The following ADGRG4 variants were observed in gnomAD, a reference collection of about 807,000 sequenced individuals.
ADGRG4 encodes the protein adhesion G protein-coupled receptor G4, also known as G protein-coupled receptor 112.
A neutral mutation model predicts 126.2 loss-of-function variants in ADGRG4; 122 were observed. That is an observed-to-expected ratio of 0.97 (90% CI 0.83 to 1.12). The LOEUF (loss-of-function observed/expected upper bound fraction) is 1.12, where lower values mean the gene tolerates loss of function less well. ADGRG4 is among the 50% of genes most tolerant of loss of function. The pLI, the probability that ADGRG4 is intolerant of heterozygous loss-of-function variation, is 0.00. For synonymous variants in ADGRG4, 943 were observed against 838.7 expected (o/e 1.12, Z -2.15); for missense variants, 2,481 against 2,251.8 (o/e 1.10, Z -2.06).
chrX:136,360,482 C>T (rs2075121528), intron 11 of ADGRG4, among the ~76,000 whole-genome samples: 1 of 111,519 alleles, frequency 9.0e-6, no homozygotes, highest in South Asian at 3.8e-4. Context: ...GTGGCTTACA[C>T]CTATAATCCC....
chrX:136,306,714 CTTTT>C (rs57109734), intron 3 of ADGRG4, among the ~76,000 whole-genome samples: 1 of 97,849 alleles, frequency 1.0e-5, no homozygotes, highest in Non-Finnish European at 2.1e-5. Context: ...TACCTTATTC[CTTTT>C]TTTTTTTTTT....
chrX:136,381,862 C>T (rs773052455), intron 15 of ADGRG4, among the ~76,000 whole-genome samples: 2 of 111,266 alleles, frequency 1.8e-5, no homozygotes, highest in Non-Finnish European at 1.9e-5. Flanking sequence ...AAGCATCTAG[C>T]ACAGGAGAAA....
intron 21 of ADGRG4, among the ~76,000 whole-genome samples, chrX:136,400,839 A>T (rs1455815905): frequency 2.7e-5 from 3 of 112,281 alleles, no homozygotes; most frequent in African/African-American, 9.7e-5. Flanking sequence ...ATGTCATTTC[A>T]TTGGCTTGCT....
In ADGRG4 at chrX:136,344,856, G is replaced by A. The variant is rs1224370380; in HGVS notation, c.1150G>A (p.Val384Ile). 9.1e-6 allele frequency: 11 copies of A among 1,210,128 alleles called. No homozygotes were observed. The highest frequency in any genetic ancestry group is 4.6e-4 in the Middle Eastern group (2 of 4,346). The part of the protein sequence containing the change: ...LSTSRFTKNS[V>I]VSTTSAIKSQ... ...CACATCCAGATTTACCAAGAATTCA[G>A]TTGTATCTACAACTTCAGCAATTAA... Residue 384 changes from valine (V) to isoleucine (I), a missense_variant, in exon 6 of 26, where the codon GTT becomes ATT. Val to Ile is a conservative substitution (Grantham distance 29, BLOSUM62 3). Coordinates refer to ENST00000394143, the MANE Select transcript of ADGRG4 (RefSeq NM_153834.4).
intron 5 of ADGRG4, among the ~76,000 whole-genome samples, chrX:136,342,851 A>C (rs1410022555): frequency 9.4e-6 from 1 of 106,485 alleles, no homozygotes; most frequent in Non-Finnish European, 1.9e-5. Context: ...TTATCCTATG[A>C]GCAATAGAAA....
chrX:136,390,329 G>A (rs2075313312), intron 16 of ADGRG4, among the ~76,000 whole-genome samples: 1 of 111,677 alleles, frequency 9.0e-6, no homozygotes, highest in African/African-American at 3.3e-5. Context: ...TAGGTTTACA[G>A]GCATGAGCCA....
chrX:136,315,081 G>A (rs2074796945), intron 4 of ADGRG4, among the ~76,000 whole-genome samples: 1 of 111,116 alleles, frequency 9.0e-6, no homozygotes, highest in African/African-American at 3.3e-5. Flanking sequence ...ATTGGTGACA[G>A]AAATGAGGAT....
chrX:136,347,067 A>C lies in ADGRG4; in HGVS notation c.3361A>C (p.Thr1121Pro). The C allele has an allele frequency of 8.3e-7, 1 of 1,210,910 alleles. No individual in the cohort carries two copies. The highest frequency in any genetic ancestry group is 1.1e-6 in the Non-Finnish European group (1 of 894,928). Residue 1121 changes from threonine (T) to proline (P), a missense_variant, in exon 6 of 26, where the codon ACA becomes CCA. Transcript: ENST00000394143. The stretch of plus-strand genomic sequence containing the variant: ...TTCACTGAGACTCTCCACTCCTGTG[A>C]CAGCTAAGGCTGAGACCACCCTTTT... ...FHSLRLSTPV[T>P]AKAETTLFST...
chrX:136,302,013 CATG>C (rs1268855535), intron 1 of ADGRG4, among the ~76,000 whole-genome samples: 1 of 112,056 alleles, frequency 8.9e-6, no homozygotes, highest in African/African-American at 3.2e-5. Flanking sequence ...AGTCAGGTAG[CATG>C]ATGCCTCCAG....
intron 23 of ADGRG4, among the ~76,000 whole-genome samples, chrX:136,411,020 G>T (rs1424044861): frequency 1.8e-5 from 2 of 111,443 alleles, no homozygotes; most frequent in African/African-American, 6.5e-5. Context: ...ACCCCCAACT[G>T]CAGGAAATCT....
intron 5 of ADGRG4, among the ~76,000 whole-genome samples, chrX:136,339,587 G>A (rs1251852318): frequency 1.8e-5 from 2 of 112,324 alleles, no homozygotes; most frequent in Admixed American, 9.4e-5. Context: ...TCTAGGTTGG[G>A]GATTAGGAAG....
At chrX:136,381,009 C>T (rs981727962) in intron 15 of ADGRG4, among the ~76,000 whole-genome samples, 2 of 110,479 alleles carry the variant, frequency 1.8e-5, no homozygotes, top group Non-Finnish European at 3.8e-5. Context: ...TAAGCTACTA[C>T]CCCTGGCCTG....
Position 136,416,058 on chromosome X carries a change from C to T in ADGRG4, c.9206-396C>T, listed in dbSNP as rs140635800. On this transcript the variant is annotated intron_variant, in intron 25 of 25. Coordinates refer to ENST00000394143, the MANE Select transcript of ADGRG4 (RefSeq NM_153834.4). Reference sequence around the variant, plus strand: ...AAATCATGCCCTCTGTACCACCAGGCATTCTCAAGCTTGAGAAATAGCCAA... The same window carrying T: ...AAATCATGCCCTCTGTACCACCAGGTATTCTCAAGCTTGAGAAATAGCCAA... Among the ~76,000 whole-genome samples the T allele has an allele frequency of 9.7e-3, 1,080 of 111,709 alleles. 11 individuals are homozygous for T. The highest frequency in any genetic ancestry group is 0.033 in the African/African-American group (1,024 of 30,681).
intron 20 of ADGRG4, among the ~76,000 whole-genome samples, chrX:136,399,311 A>T (rs2060869246): frequency 8.9e-6 from 1 of 112,754 alleles, no homozygotes; most frequent in African/African-American, 3.2e-5. Context: ...AGCAAAATTT[A>T]AATCAATAAA....
chrX:136,395,884 G>T (rs779147107), intron 19 of ADGRG4, among the ~76,000 whole-genome samples: 4 of 111,267 alleles, frequency 3.6e-5, no homozygotes, highest in Non-Finnish European at 7.5e-5. Context: ...AATATATATT[G>T]CACAACTTTC....
In ADGRG4 at chrX:136,347,933, TG is replaced by T. The variant is rs2075030520; in HGVS notation, c.4229del (p.Gly1410AlafsTer7). 1 of 1,205,070 alleles carries T rather than the reference TG, an allele frequency of 8.3e-7. No homozygotes were observed. The highest frequency in any genetic ancestry group is 1.8e-5 in the African/African-American group (1 of 57,112). Reference protein sequence around the residue: ...STYVTHSVSYGQDTSFVDTTT... With the variant: ...STYVTHSVSYXQDTSFVDTTT... ...CCTATGTGACTCACTCTGTCTCATA[TG>T]GCCAGGATACTTCATTTGTAGATAC... On this transcript the variant is annotated frameshift_variant, in exon 6 of 26. Coordinates refer to ENST00000394143, the MANE Select transcript of ADGRG4 (RefSeq NM_153834.4). LOFTEE classifies it high-confidence loss of function.
chrX:136,322,774 A>C lies in ADGRG4; in HGVS notation c.71-4A>C. On this transcript the variant is annotated splice_region_variant and splice_polypyrimidine_tract_variant and intron_variant, in intron 4 of 25. Coordinates refer to ENST00000394143, the MANE Select transcript of ADGRG4 (RefSeq NM_153834.4). ...TCTCTTTCCCCTCCCCCAAATTTGG[A>C]CAGATACACTTTCACTAAAAGGAAA... 1 of 1,164,563 alleles carries C rather than the reference A, an allele frequency of 8.6e-7. No homozygotes were observed.
chrX:136,369,041 A>G (rs1275647604), intron 13 of ADGRG4, among the ~76,000 whole-genome samples: 1 of 111,924 alleles, frequency 8.9e-6, no homozygotes, highest in East Asian at 2.8e-4. Flanking sequence ...ATTGCCTGCC[A>G]TGTGAGTGAG....
At position 136,345,334 on chromosome X, in the gene ADGRG4, C is replaced by T. The variant is rs1274221963; in HGVS notation, c.1628C>T (p.Ala543Val). The T allele has an allele frequency of 1.7e-6, 2 of 1,207,292 alleles. No homozygotes were observed. The highest frequency in any genetic ancestry group is 2.2e-6 in the Non-Finnish European group (2 of 892,897). ...QDVSLPRVED[A>V]MSTSMSKETS... ...GTCTCTTTACCCAGAGTGGAAGATG[C>T]CATGTCTACTTCCATGTCGAAAGAG... is the stretch of plus-strand genomic sequence containing the variant. Residue 543 changes from alanine to valine, a missense_variant, in exon 6 of 26, where the codon GCC becomes GTC. Transcript: ENST00000394143.
Sources: gnomAD v4.1 joint callset for allele counts (sites outside exome capture counted in the v4.1 genomes callset) on GRCh38, gnomAD v4.1.1 for gene constraint, MANE v1.5 for transcripts, NCBI Gene and HGNC (gene_info 2026-07-23, HGNC 2026-07-21) for gene names.